LRRTM4: variants seen among roughly 807,000 people sequenced by gnomAD.
LRRTM4 encodes the protein leucine rich repeat transmembrane neuronal 4.
A neutral mutation model predicts 47.6 loss-of-function variants in LRRTM4; 25 were observed. The ratio of observed to expected loss-of-function variants is 0.53; its 90% CI spans 0.38 to 0.73. LRRTM4 has a LOEUF of 0.73. Among genes scored for constraint, LRRTM4 ranks in the 30% least tolerant of loss-of-function variants. The pLI, the probability that LRRTM4 is intolerant of heterozygous loss-of-function variation, is 0.00. For synonymous variants in LRRTM4, 311 were observed against 269.5 expected (o/e 1.15, Z -1.51); for missense variants, 638 against 713.4 (o/e 0.89, Z 1.20).
chr2:76,771,084 G>A (rs1351474897), intron 3 of LRRTM4, among the ~76,000 whole-genome samples: 2 of 151,992 alleles, frequency 1.3e-5, no homozygotes, highest in Non-Finnish European at 1.5e-5. Flanking sequence ...TTTAATATTT[G>A]CCTCTTCTTG....
intron 3 of LRRTM4, among the ~76,000 whole-genome samples, chr2:77,286,439 T>C (rs1229887012): frequency 2.0e-5 from 3 of 152,032 alleles, no homozygotes; most frequent in African/African-American, 7.2e-5. Context: ...AGTTAAAATC[T>C]TTTAAAAATT....
rs190265950 is a variant in LRRTM4 at position 76,973,674 on chromosome 2, G to A, written c.1552-224758C>T. On this transcript the variant is annotated intron_variant, in intron 3 of 3. Coordinates refer to ENST00000409884, the MANE Select transcript of LRRTM4 (RefSeq NM_001134745.3). The stretch of plus-strand genomic sequence containing the variant: ...TTATTCTATCAGTGCTAATACAGGC[G>A]AATAACCCATTTACGTAATTTTCCA... Among the ~76,000 whole-genome samples, 442 of 151,910 alleles carry A rather than the reference G, an allele frequency of 2.9e-3. 5 individuals are homozygous for A. The highest frequency in any genetic ancestry group is 0.02 in the Middle Eastern group (6 of 294).
intron 3 of LRRTM4, among the ~76,000 whole-genome samples, chr2:77,421,443 C>T (rs948827681): frequency 6.6e-6 from 1 of 152,066 alleles, no homozygotes; most frequent in Admixed American, 6.6e-5. Flanking sequence ...CGTGGTGGCT[C>T]ATGCCTATAA....
rs1165116294 is a variant in LRRTM4 at position 76,798,533 on chromosome 2, T to G, written c.1552-49617A>C. On this transcript the variant is annotated intron_variant, in intron 3 of 3. Transcript: ENST00000409884. The stretch of plus-strand genomic sequence containing the variant: ...AAAATTGACACCCTAACATCACAAT[T>G]AAAAGAACTAGAAAAGCAAGAGCAA... 8.1e-5 allele frequency among the ~76,000 whole-genome samples: 12 copies of G among 148,248 alleles called. No individual in the cohort carries two copies. The Admixed American group carries it at 8.1e-4, about 10-fold the overall frequency.
intron 3 of LRRTM4, among the ~76,000 whole-genome samples, chr2:77,417,187 A>G (rs1234250436): frequency 6.6e-6 from 1 of 152,196 alleles, no homozygotes; most frequent in Non-Finnish European, 1.5e-5. Context: ...CAAAACCACA[A>G]TGAGATACCA....
chr2:77,357,423 G>T (rs1462401427), intron 3 of LRRTM4, among the ~76,000 whole-genome samples: 1 of 152,054 alleles, frequency 6.6e-6, no homozygotes, highest in South Asian at 2.1e-4. Flanking sequence ...TTTTACTTTG[G>T]TATTTTAATC....
chr2:77,060,980 C>T (rs1679767530), intron 3 of LRRTM4, among the ~76,000 whole-genome samples: 1 of 152,032 alleles, frequency 6.6e-6, no homozygotes, highest in Non-Finnish European at 1.5e-5. Flanking sequence ...AAAGTTATAT[C>T]AGTAAAAAAC....
At chr2:76,803,790 A>T (rs1675823698) in intron 3 of LRRTM4, among the ~76,000 whole-genome samples, 1 of 152,178 alleles carries the variant, frequency 6.6e-6, no homozygotes, top group South Asian at 2.1e-4. Context: ...CACCATAACT[A>T]ATAACAGTGG....
chr2:77,011,247 G>A (rs767102644), intron 3 of LRRTM4, among the ~76,000 whole-genome samples: 19 of 152,128 alleles, frequency 1.2e-4, no homozygotes, highest in Non-Finnish European at 2.4e-4. Context: ...CTATCAATGA[G>A]ATCATTTACA....
At chr2:76,881,130 T>C (rs758029817) in intron 3 of LRRTM4, among the ~76,000 whole-genome samples, 4 of 152,174 alleles carry the variant, frequency 2.6e-5, no homozygotes, top group Admixed American at 6.5e-5. Context: ...TTTGAGATTA[T>C]GGATATGCTA....
chr2:77,375,956 T>C (rs528896649), intron 3 of LRRTM4, among the ~76,000 whole-genome samples: 67 of 151,932 alleles, frequency 4.4e-4, no homozygotes, highest in Non-Finnish European at 5.5e-4. Context: ...GCAACCACCA[T>C]TCTCTCTGCT....
intron 3 of LRRTM4, among the ~76,000 whole-genome samples, chr2:77,285,870 A>G (rs1461640729): frequency 6.6e-6 from 1 of 152,150 alleles, no homozygotes; most frequent in Non-Finnish European, 1.5e-5. Context: ...GTTGGATAGG[A>G]CAAGTCATAT....
At chr2:77,507,363 C>A (rs1678815079) in intron 3 of LRRTM4, among the ~76,000 whole-genome samples, 1 of 151,966 alleles carries the variant, frequency 6.6e-6, no homozygotes, top group Non-Finnish European at 1.5e-5. Context: ...TTCTTTCTGG[C>A]CCAAAGATTC....
intron 3 of LRRTM4, among the ~76,000 whole-genome samples, chr2:77,101,105 G>A (rs1049606507): frequency 2.0e-5 from 3 of 152,016 alleles, no homozygotes; most frequent in African/African-American, 7.2e-5. Context: ...AAAGTGCTGG[G>A]ACGTAGTACT....
intron 3 of LRRTM4, among the ~76,000 whole-genome samples, chr2:77,003,422 G>A (rs1425009663): frequency 2.0e-5 from 3 of 152,062 alleles, no homozygotes; most frequent in Non-Finnish European, 1.5e-5. Flanking sequence ...GGGACCTGGT[G>A]GGAGGTAACT....
chr2:76,774,865 T>G (rs1180467581), intron 3 of LRRTM4, among the ~76,000 whole-genome samples: 1 of 152,232 alleles, frequency 6.6e-6, no homozygotes, highest in Admixed American at 6.5e-5. Context: ...GTAAACAAAG[T>G]CAAAGTTAGT....
chr2:77,353,586 C>G (rs189115567), intron 3 of LRRTM4, among the ~76,000 whole-genome samples: 1 of 152,106 alleles, frequency 6.6e-6, no homozygotes, highest in Non-Finnish European at 1.5e-5. Context: ...GATAATGACA[C>G]CATTGGTGAA....
chr2:77,357,608 TATTAGG>T (rs1672016158), intron 3 of LRRTM4, among the ~76,000 whole-genome samples: 1 of 152,214 alleles, frequency 6.6e-6, no homozygotes, highest in African/African-American at 2.4e-5. Flanking sequence ...CTGGGAGCTA[TATTAGG>T]TGTTAAGACA....
intron 3 of LRRTM4, among the ~76,000 whole-genome samples, chr2:76,785,134 T>TACAA (rs1299641792): frequency 6.6e-6 from 1 of 152,120 alleles, no homozygotes; most frequent in African/African-American, 2.4e-5. Context: ...AAGAAGGAAG[T>TACAA]ACAAACAATT....
Sources: gnomAD v4.1 joint callset for allele counts (sites outside exome capture counted in the v4.1 genomes callset) on GRCh38, gnomAD v4.1.1 for gene constraint, MANE v1.5 for transcripts, NCBI Gene and HGNC (gene_info 2026-07-23, HGNC 2026-07-21) for gene names.